Variants in PLXNA4 observed in about 807,000 individuals in gnomAD.
PLXNA4 encodes plexin-A4.
A neutral mutation model predicts 191.8 loss-of-function variants in PLXNA4; 44 were observed. That is an observed-to-expected ratio of 0.23 (90% CI 0.18 to 0.29). The LOEUF is 0.29. PLXNA4 is among the 10% of genes least tolerant of loss of function. PLXNA4 has a pLI of 1.00. For synonymous variants in PLXNA4, 1,082 were observed against 1,009.5 expected (o/e 1.07, Z -1.36); for missense variants, 1,800 against 2,488.8 (o/e 0.72, Z 5.89).
chr7:132,226,221 T>C lies in PLXNA4; in HGVS notation c.1922A>G (p.Glu641Gly). 6.2e-7 allele frequency: 1 copy of C among 1,613,882 alleles called. No homozygotes were observed. Among genetic ancestry groups the C allele is most frequent in the Non-Finnish European group, 8.5e-7 (1 of 1,179,950 alleles). The change falls in exon 8 of 32, where the codon GAG (glutamate) becomes GGG (glycine). Residue 641 changes from glutamate (E) to glycine (G), a missense_variant. By Grantham distance (98) the Glu-to-Gly change is moderately conservative (BLOSUM62 -2). This residue lies in a region of PLXNA4 where 1,397 missense variants were observed against 1,880.4 expected (regional missense o/e 0.74). Coordinates refer to ENST00000321063, the MANE Select transcript of PLXNA4 (RefSeq NM_020911.2). ...GGTGCTGGCGAAGGTCATGCCGGTC[T>C]CCTTTGATTTGAGCTGAAGCTGTAC... ...HVVQLQLKSKETGMTFASTSF... is the reference protein window; with the variant it reads ...HVVQLQLKSKGTGMTFASTSF...
chr7:132,397,834 C>T (rs1288643376), intron 3 of PLXNA4, among the ~76,000 whole-genome samples: 1 of 152,186 alleles, frequency 6.6e-6, no homozygotes, highest in East Asian at 1.9e-4. Context: ...GACAGTATGC[C>T]TATTTGACGA....
chr7:132,354,025 C>T (rs371378487), intron 3 of PLXNA4, among the ~76,000 whole-genome samples: 1 of 152,156 alleles, frequency 6.6e-6, no homozygotes, highest in Admixed American at 6.5e-5. Flanking sequence ...TGCTCACTGA[C>T]CCCCAGAGAG....
At chr7:132,238,975 C>T (rs1327768619) in intron 5 of PLXNA4, among the ~76,000 whole-genome samples, 2 of 152,234 alleles carry the variant, frequency 1.3e-5, no homozygotes, top group African/African-American at 4.8e-5. Flanking sequence ...GGGAGACAGG[C>T]ATCACCATGT....
chr7:132,204,890 G>A (rs1183508991), intron 10 of PLXNA4, among the ~76,000 whole-genome samples: 2 of 152,136 alleles, frequency 1.3e-5, no homozygotes, highest in Non-Finnish European at 2.9e-5. Flanking sequence ...CAGCAACCAC[G>A]GGGGGATGTA....
chr7:132,299,956 T>A (rs1377053404), intron 3 of PLXNA4, among the ~76,000 whole-genome samples: 3 of 152,196 alleles, frequency 2.0e-5, no homozygotes, highest in Admixed American at 2.0e-4. Flanking sequence ...GGAAGGGAAC[T>A]GGAACCAGGG....
chr7:132,582,843 AG>A lies in PLXNA4; in HGVS notation c.-87+63084del, dbSNP rs1476184218. ...ATTAACCTCTTAAGCTTATTATTTG[AG>A]CCCACTTGGCTGTAGAATAAGAAGG... On this transcript the variant is annotated intron_variant, in intron 2 of 4. Transcript: ENST00000378539. Among the ~76,000 whole-genome samples, 7 of 152,288 alleles carry A rather than the reference AG, an allele frequency of 4.6e-5. 1 individual carries two copies. The highest frequency in any genetic ancestry group is 3.3e-4 in the Admixed American group (5 of 15,304).
rs71915138 is a variant in PLXNA4 at position 132,540,569 on chromosome 7, C to CTTTTTTTTTTTTTTT, written c.-86-31805_-86-31791dup. On this transcript the variant is annotated intron_variant, in intron 1 of 31. Transcript: ENST00000321063. ...AGCAGAAGGTGTAGTGTGGACCGTT[C>CTTTTTTTTTTTTTTT]TTTTTTTTTTTTTTTTTTTTTTTTT... Among the ~76,000 whole-genome samples the CTTTTTTTTTTTTTTT allele has an allele frequency of 8.2e-5, 5 of 60,976 alleles. 1 individual carries two copies. The highest frequency in any genetic ancestry group is 1.1e-4 in the Non-Finnish European group (4 of 36,820). 40.0% of individuals were successfully genotyped at this position (60,976 alleles called of 152,430 possible). A position where few individuals can be genotyped will look rare whatever the true frequency, so the allele number is the denominator to read the frequency against.
At chr7:132,185,222 C>A in intron 16 of PLXNA4, 77 bp downstream of exon 16, 1 of 1,517,724 alleles carries the variant, frequency 6.6e-7, no homozygotes, top group Non-Finnish European at 8.8e-7. Context: ...GCCCCCAGAA[C>A]TCTCCTTGGC....
rs548585951 is a variant in PLXNA4 at position 132,413,225 on chromosome 7, G to A, written c.1371+76067C>T. On this transcript the variant is annotated intron_variant, in intron 3 of 31. Transcript: ENST00000321063. The stretch of plus-strand genomic sequence containing the variant: ...AACAGAGTCTGCCTCCGGACTCGCT[G>A]CACAGGCACACAGCAAAGCCTGGAA... Among the ~76,000 whole-genome samples the A allele has an allele frequency of 1.3e-5, 2 of 152,310 alleles. 1 individual carries two copies. Among genetic ancestry groups the A allele is most frequent in the South Asian group, 4.1e-4 (2 of 4,822 alleles).
chr7:132,362,841 T>C (rs992584906), intron 3 of PLXNA4, among the ~76,000 whole-genome samples: 1 of 152,180 alleles, frequency 6.6e-6, no homozygotes, highest in African/African-American at 2.4e-5. Flanking sequence ...TTGTGAAATA[T>C]GCATGCATGC....
intron 1 of PLXNA4, among the ~76,000 whole-genome samples, chr7:132,523,695 G>C (rs941432811): frequency 1.3e-5 from 2 of 152,240 alleles, no homozygotes; most frequent in Non-Finnish European, 2.9e-5. Context: ...GTTCACTGAG[G>C]AGTGACAGCA....
At chr7:132,395,075 C>A (rs1008198792) in intron 3 of PLXNA4, among the ~76,000 whole-genome samples, 2 of 152,232 alleles carry the variant, frequency 1.3e-5, no homozygotes, top group Admixed American at 6.5e-5. Flanking sequence ...AATGGGTAGC[C>A]ACCACAGCTG....
At chr7:132,640,555 C>T (rs931179140) in intron 2 of PLXNA4, among the ~76,000 whole-genome samples, 2 of 152,184 alleles carry the variant, frequency 1.3e-5, no homozygotes, top group Admixed American at 1.3e-4. Context: ...AGAGAAAAGG[C>T]AGCCATCTGC....
At chr7:132,248,104 C>T (rs961779015) in intron 4 of PLXNA4, among the ~76,000 whole-genome samples, 1 of 152,204 alleles carries the variant, frequency 6.6e-6, no homozygotes, top group East Asian at 1.9e-4. Context: ...AAACACGAGG[C>T]AAATGAATGC....
chr7:132,190,263 A>G (rs2116801308), intron 14 of PLXNA4, among the ~76,000 whole-genome samples: 1 of 152,342 alleles, frequency 6.6e-6, no homozygotes, highest in East Asian at 1.9e-4. Flanking sequence ...TTAATACCCT[A>G]AATTCAATCA....
At chr7:132,204,960 G>T (rs949972214) in intron 10 of PLXNA4, among the ~76,000 whole-genome samples, 5 of 152,086 alleles carry the variant, frequency 3.3e-5, no homozygotes, top group Admixed American at 1.3e-4. Context: ...CCCTGGCAAC[G>T]CGTGCCAGGG....
chr7:132,228,709 C>T (rs1396598333), intron 5 of PLXNA4, among the ~76,000 whole-genome samples: 1 of 152,202 alleles, frequency 6.6e-6, no homozygotes, highest in East Asian at 1.9e-4. Flanking sequence ...ATCCTAACTC[C>T]CCTCATCCTC....
intron 2 of PLXNA4, among the ~76,000 whole-genome samples, chr7:132,635,575 C>A (rs934192550): frequency 1.3e-5 from 2 of 152,114 alleles, no homozygotes; most frequent in South Asian, 4.1e-4. Flanking sequence ...TAAGAGGTTT[C>A]CTGGAGGACT....
intron 3 of PLXNA4, among the ~76,000 whole-genome samples, chr7:132,452,797 A>C (rs1352420471): frequency 1.3e-5 from 2 of 152,210 alleles, no homozygotes; most frequent in Non-Finnish European, 2.9e-5. Context: ...GACAGCTCCC[A>C]AGATGGTCAG....
Sources: gnomAD v4.1 joint callset for allele counts (sites outside exome capture counted in the v4.1 genomes callset) on GRCh38, gnomAD v4.1.1 for gene constraint, gnomAD v4.1.1 regional missense constraint, MANE v1.5 for transcripts, NCBI Gene and HGNC (gene_info 2026-07-23, HGNC 2026-07-21) for gene names.